Variants in ZNF831 observed in about 807,000 individuals in gnomAD.
ZNF831 encodes chromosome 20 open reading frame 174.
ZNF831 carries 59 observed loss-of-function variants against 95.8 expected under a neutral mutation model. That is an observed-to-expected ratio of 0.62 (90% CI 0.50 to 0.77). ZNF831 has a LOEUF of 0.77. Among genes scored for constraint, ZNF831 ranks in the 30% least tolerant of loss-of-function variants. The probability of loss-of-function intolerance (pLI) is 0.00; values close to 1 mark genes in which losing one functional copy is unlikely to be tolerated. For missense variants in ZNF831, 2,205 were observed against 2,164.0 expected (o/e 1.02, Z -0.38); for synonymous variants, 961 against 925.5 (o/e 1.04, Z -0.70).
chr20:59,193,238 C>T lies in ZNF831; in HGVS notation c.2219C>T (p.Pro740Leu), dbSNP rs1464272616. 2 of 1,601,412 alleles carry T rather than the reference C, an allele frequency of 1.2e-6. No individual in the cohort carries two copies. Among genetic ancestry groups the T allele is most frequent in the East Asian group, 2.3e-5 (1 of 44,026 alleles). The change falls in exon 2 of 6, where the codon CCC (proline) becomes CTC (leucine). Residue 740 changes from proline (P) to leucine (L), a missense_variant. Pro to Leu is a moderately conservative substitution (Grantham distance 98). Coordinates refer to ENST00000371030, the MANE Select transcript of ZNF831 (RefSeq NM_178457.3). ...SSPALGGRDS[P>L]CSGSRSPLVS... Reference sequence around the variant, plus strand: ...CCTGCACTGGGTGGCAGAGACAGTCCCTGTTCAGGCAGTAGGAGCCCCCTG... The same window carrying T: ...CCTGCACTGGGTGGCAGAGACAGTCTCTGTTCAGGCAGTAGGAGCCCCCTG...
Position 59,191,871 on chromosome 20 carries a change from C to A in ZNF831, c.852C>A (p.Pro284=), listed in dbSNP as rs1308576755. 1 of 1,613,142 alleles carries A rather than the reference C, an allele frequency of 6.2e-7. No individual in the cohort carries two copies. The highest frequency in any genetic ancestry group is 8.5e-7 in the Non-Finnish European group (1 of 1,179,978). Residue 284 remains proline, a synonymous_variant, in exon 2 of 6, where the codon CCC becomes CCA. Transcript: ENST00000371030. ...GAGAGGCTCCTTGGGACTCTGCCCC[C>A]ATGGCGTCACCTGGGCTCCCAGCGG... ...ADREAPWDSA[P]MASPGLPAAS...
At chr20:59,196,487 A>G (rs950908439) in intron 3 of ZNF831, among the ~76,000 whole-genome samples, 3 of 152,034 alleles carry the variant, frequency 2.0e-5, no homozygotes, top group Non-Finnish European at 4.4e-5. Flanking sequence ...TCCACCCCCA[A>G]CAAACAGGAG....
intron 1 of ZNF831, among the ~76,000 whole-genome samples, chr20:59,168,329 A>G (rs1297313964): frequency 6.6e-6 from 1 of 152,106 alleles, no homozygotes; most frequent in African/African-American, 2.4e-5. Flanking sequence ...TTACAACTAC[A>G]TATTTCGTTT....
chr20:59,243,061 A>C (rs1454879925), intron 4 of ZNF831, among the ~76,000 whole-genome samples: 1 of 152,250 alleles, frequency 6.6e-6, no homozygotes, highest in Non-Finnish European at 1.5e-5. Context: ...AATTATTAGC[A>C]ATAAACCTGT....
rs1211742901 is a variant in ZNF831 at position 59,191,199 on chromosome 20, C to A, written c.180C>A (p.Ile60=). The change falls in exon 2 of 6, where the codon ATC becomes ATA. Residue 60 remains isoleucine (I), a synonymous_variant. Coordinates refer to ENST00000371030, the MANE Select transcript of ZNF831 (RefSeq NM_178457.3). Reference sequence around the variant, plus strand: ...CTGTGTTCCTGAAGGCCCTGCCCATCCCACTGTACCACACGGTGCCTCCCG... The same window carrying A: ...CTGTGTTCCTGAAGGCCCTGCCCATACCACTGTACCACACGGTGCCTCCCG... ...PPTVFLKALP[I]PLYHTVPPGG... is the part of the protein sequence containing the mutation. 2 of 1,586,284 alleles carry A rather than the reference C, an allele frequency of 1.3e-6. No individual in the cohort carries two copies. Among genetic ancestry groups the A allele is most frequent in the South Asian group, 2.3e-5 (2 of 87,256 alleles).
chr20:59,190,282 A>G (rs939420603), intron 1 of ZNF831, among the ~76,000 whole-genome samples: 2 of 152,216 alleles, frequency 1.3e-5, no homozygotes, highest in Non-Finnish European at 2.9e-5. Flanking sequence ...CCGTATAAGC[A>G]TGGCACGTGT....
intron 3 of ZNF831, among the ~76,000 whole-genome samples, chr20:59,201,593 C>G (rs1368136919): frequency 6.6e-6 from 1 of 152,052 alleles, no homozygotes; most frequent in African/African-American, 2.4e-5. Flanking sequence ...AAGTTTTATA[C>G]TTTTAAGTTT....
chr20:59,179,479 C>A (rs1261025325), intron 1 of ZNF831, among the ~76,000 whole-genome samples: 2 of 152,086 alleles, frequency 1.3e-5, no homozygotes, highest in Admixed American at 1.3e-4. Context: ...GTGCAGGAGA[C>A]CAGCGGCCTG....
At chr20:59,178,847 G>A (rs772061743) in intron 1 of ZNF831, among the ~76,000 whole-genome samples, 11 of 152,158 alleles carry the variant, frequency 7.2e-5, no homozygotes, top group Admixed American at 2.6e-4. Flanking sequence ...CGAGTCCTAG[G>A]GAGGCTGTGC....
Position 59,246,086 on chromosome 20 carries a change from C to T in ZNF831, c.4028-6892C>T, listed in dbSNP as rs755163180. ...TTCATCACGGGCCTGGGCCAGCTCA[C>T]CTCTCCCTCCGCAGTCTGTCTCCTT... On this transcript the variant is annotated intron_variant, in intron 4 of 5. Transcript: ENST00000371030. 6.3e-4 allele frequency among the ~76,000 whole-genome samples: 96 copies of T among 152,268 alleles called. 1 individual carries two copies. The highest frequency in any genetic ancestry group is 1.4e-4 in the African/African-American group (6 of 41,552).
intron 1 of ZNF831, among the ~76,000 whole-genome samples, 99 bp downstream of exon 1, chr20:59,164,306 G>T (rs977392171): frequency 6.6e-6 from 1 of 152,114 alleles, no homozygotes; most frequent in African/African-American, 2.4e-5. Flanking sequence ...CTTCAAGCAC[G>T]CAGTTAAAGG....
intron 4 of ZNF831, among the ~76,000 whole-genome samples, chr20:59,228,471 C>T (rs1322519274): frequency 3.3e-5 from 5 of 151,324 alleles, no homozygotes; most frequent in Non-Finnish European, 5.9e-5. Flanking sequence ...AACCAACTTC[C>T]ATACTTGTGA....
chr20:59,215,363 T>C (rs1222881027), intron 4 of ZNF831, among the ~76,000 whole-genome samples: 1 of 152,258 alleles, frequency 6.6e-6, no homozygotes, highest in Non-Finnish European at 1.5e-5. Context: ...AGATGTTTTA[T>C]TGAACGATAA....
intron 1 of ZNF831, among the ~76,000 whole-genome samples, chr20:59,190,461 T>G (rs1002083411): frequency 6.6e-6 from 1 of 152,248 alleles, no homozygotes. Flanking sequence ...GCTGTCTTCA[T>G]CCTGCAGCAG....
intron 2 of ZNF831, among the ~76,000 whole-genome samples, chr20:59,154,449 A>G (rs1322000630): frequency 1.3e-5 from 2 of 152,038 alleles, no homozygotes; most frequent in Non-Finnish European, 2.9e-5. Flanking sequence ...CTCTACCCCA[A>G]TCCCCTGCGA....
rs2146587463 is a variant in ZNF831 at position 59,193,673 on chromosome 20, C to G, written c.2654C>G (p.Ala885Gly). Residue 885 changes from alanine to glycine, a missense_variant, in exon 2 of 6, where the codon GCC becomes GGC. Coordinates refer to ENST00000371030, the MANE Select transcript of ZNF831 (RefSeq NM_178457.3). The part of the protein sequence containing the change: ...QVGEPLESSG[A>G]SLAAASVALK... ...GGCGAGCCTCTGGAGTCCTCTGGAG[C>G]CTCCTTGGCTGCTGCTTCTGTTGCC... The G allele has an allele frequency of 1.2e-6, 2 of 1,613,026 alleles. No individual in the cohort carries two copies. The highest frequency in any genetic ancestry group is 2.2e-5 in the South Asian group (2 of 91,088).
chr20:59,232,923 C>A (rs1192491198), intron 4 of ZNF831, among the ~76,000 whole-genome samples: 1 of 150,832 alleles, frequency 6.6e-6, no homozygotes, highest in Non-Finnish European at 1.5e-5. Context: ...AGTATCAACT[C>A]ATTTAACTTT....
At chr20:59,196,868 T>C (rs75002349) in intron 3 of ZNF831, among the ~76,000 whole-genome samples, 5,809 of 151,910 alleles carry the variant, frequency 0.038, 380 homozygotes, top group African/African-American at 0.13. Flanking sequence ...ACCTCTGCCT[T>C]GGGGGTTCAA....
At position 59,254,085 on chromosome 20, in the gene ZNF831, C is replaced by T. The variant is rs2146763726; in HGVS notation, c.4376C>T (p.Thr1459Ile). The T allele has an allele frequency of 6.2e-7, 1 of 1,614,142 alleles. No individual in the cohort carries two copies. Among genetic ancestry groups the T allele is most frequent in the Non-Finnish European group, 8.5e-7 (1 of 1,180,024 alleles). Residue 1459 changes from threonine to isoleucine, a missense_variant, in exon 6 of 6, where the codon ACA becomes ATA. Thr to Ile is a moderately conservative substitution (Grantham distance 89, BLOSUM62 -1). Transcript: ENST00000371030. This position sits in a 1 kb window ranked among gnomAD's most constrained non-coding sequence, Gnocchi z 4.5. ...QLLASQDSVS[T>I]DPKPYIFSDA... is the part of the protein sequence containing the mutation. Reference sequence around the variant, plus strand: ...CTGGCCTCCCAGGATTCAGTCTCAACAGATCCCAAACCATACATCTTCTCA... The same window carrying T: ...CTGGCCTCCCAGGATTCAGTCTCAATAGATCCCAAACCATACATCTTCTCA...
Sources: gnomAD v4.1 joint callset for allele counts (sites outside exome capture counted in the v4.1 genomes callset) on GRCh38, gnomAD v4.1.1 for gene constraint, Gnocchi (gnomAD v3.1) non-coding constraint, MANE v1.5 for transcripts, NCBI Gene and HGNC (gene_info 2026-07-23, HGNC 2026-07-21) for gene names.